Variants in GABRA4 observed in about 807,000 individuals in gnomAD.
GABRA4 encodes the protein gamma-aminobutyric acid receptor subunit alpha-4.
Under a neutral mutation model 49.7 loss-of-function variants are expected in GABRA4, and 12 were observed. The ratio of observed to expected loss-of-function variants is 0.24; its 90% CI spans 0.15 to 0.39. The LOEUF (loss-of-function observed/expected upper bound fraction) is 0.39. Among genes scored for constraint, GABRA4 ranks in the 10% least tolerant of loss-of-function variants. The pLI, the probability that GABRA4 is intolerant of heterozygous loss-of-function variation, is 1.00. For synonymous variants in GABRA4, 288 were observed against 240.2 expected (o/e 1.20, Z -1.84); for missense variants, 506 against 686.0 (o/e 0.74, Z 2.93).
chr4:46,969,860 G>C (rs1298569116), intron 7 of GABRA4, among the ~76,000 whole-genome samples: 1 of 151,268 alleles, frequency 6.6e-6, no homozygotes, highest in Non-Finnish European at 1.5e-5. Flanking sequence ...TCAACACTTT[G>C]AGTTGTGCAG....
chr4:46,990,233 A>G lies in GABRA4; in HGVS notation c.205+2595T>C, dbSNP rs543627428. Among the ~76,000 whole-genome samples, 75 of 152,356 alleles carry G rather than the reference A, an allele frequency of 4.9e-4. 1 individual carries two copies. Among genetic ancestry groups the G allele is most frequent in the African/African-American group, 1.7e-3 (71 of 41,590 alleles). On this transcript the variant is annotated intron_variant, in intron 2 of 8. Transcript: ENST00000264318. ...ATTCGACCCTTTCCCATAAAACTAT[A>G]AAAATGTTTTCAGGTGGGTAATGCA... is the stretch of plus-strand genomic sequence containing the variant.
chr4:46,935,544 G>A (rs977355004), intron 8 of GABRA4, among the ~76,000 whole-genome samples: 2 of 152,054 alleles, frequency 1.3e-5, no homozygotes, highest in Admixed American at 6.6e-5. Context: ...TGAAAATATG[G>A]CCATCATGTC....
At chr4:46,930,687 CAGTT>C (rs973996584) in intron 8 of GABRA4, among the ~76,000 whole-genome samples, 3 of 151,148 alleles carry the variant, frequency 2.0e-5, no homozygotes, top group Admixed American at 6.6e-5. Context: ...TTCTTTCAGT[CAGTT>C]AGGTTGTCCA....
intron 8 of GABRA4, among the ~76,000 whole-genome samples, chr4:46,930,264 C>T (rs1305390762): frequency 6.6e-6 from 1 of 151,998 alleles, no homozygotes; most frequent in African/African-American, 2.4e-5. Context: ...AAATTGACAT[C>T]AACCTGAAAG....
intron 8 of GABRA4, among the ~76,000 whole-genome samples, chr4:46,945,071 AG>A: frequency 6.6e-6 from 1 of 152,282 alleles, no homozygotes; most frequent in South Asian, 2.1e-4. Context: ...TTAGGAAGTA[AG>A]TAGTTGGCAG....
intron 2 of GABRA4, among the ~76,000 whole-genome samples, chr4:46,987,623 G>A (rs970857976): frequency 3.3e-5 from 5 of 151,262 alleles, no homozygotes; most frequent in African/African-American, 1.2e-4. Flanking sequence ...CAAGTCAATC[G>A]CCAATTCTTT....
At chr4:46,948,949 G>A (rs550838422) in intron 8 of GABRA4, among the ~76,000 whole-genome samples, 10 of 152,068 alleles carry the variant, frequency 6.6e-5, no homozygotes, top group African/African-American at 2.2e-4. Context: ...TCCTAAATGA[G>A]GACTATAGTC....
At chr4:46,985,364 CT>C (rs1287497400) in intron 2 of GABRA4, among the ~76,000 whole-genome samples, 1 of 151,862 alleles carries the variant, frequency 6.6e-6, no homozygotes, top group African/African-American at 2.4e-5. Flanking sequence ...AAGTCCTACA[CT>C]TTGTGCTGGT....
chr4:46,975,317 A>T (rs1008166672), intron 5 of GABRA4, among the ~76,000 whole-genome samples: 3 of 152,020 alleles, frequency 2.0e-5, no homozygotes, highest in African/African-American at 7.2e-5. Context: ...TTGTCATTTT[A>T]GCACCATTCA....
At chr4:46,970,395 A>G (rs1296280157) in intron 7 of GABRA4, among the ~76,000 whole-genome samples, 1 of 151,546 alleles carries the variant, frequency 6.6e-6, no homozygotes, top group Non-Finnish European at 1.5e-5. Flanking sequence ...CATTAACTAA[A>G]ATAAATATAA....
chr4:46,987,674 A>C (rs931074999), intron 2 of GABRA4, among the ~76,000 whole-genome samples: 1 of 152,102 alleles, frequency 6.6e-6, no homozygotes, highest in African/African-American at 2.4e-5. Context: ...ATCAACTTAC[A>C]TATATCCATC....
At chr4:46,931,522 C>T in intron 8 of GABRA4, among the ~76,000 whole-genome samples, 1 of 151,998 alleles carries the variant, frequency 6.6e-6, no homozygotes, top group Non-Finnish European at 1.5e-5. Flanking sequence ...AAAGTGACAC[C>T]AATTCATCAT....
chr4:46,977,318 AAGGGAGGG>A (rs532726655), intron 4 of GABRA4, 84 bp downstream of exon 4: 6 of 587,508 alleles, frequency 1.0e-5, no homozygotes, highest in South Asian at 2.4e-5. Context: ...GGGAGGGAGG[AAGGGAGGG>A]AGGAAGGAAG....
chr4:46,955,096 C>T (rs1722295476), intron 8 of GABRA4, among the ~76,000 whole-genome samples: 1 of 152,118 alleles, frequency 6.6e-6, no homozygotes, highest in African/African-American at 2.4e-5. Context: ...ATGCTAAATA[C>T]ATTTCACAGC....
chr4:46,993,224 A>G (rs1343357058), intron 1 of GABRA4, 115 bp downstream of exon 1: 2 of 919,080 alleles, frequency 2.2e-6, no homozygotes, highest in East Asian at 2.4e-5. Flanking sequence ...CTGCTCTTAC[A>G]GCTGAGATAA....
chr4:46,922,781 G>A lies in GABRA4; in HGVS notation c.*5444C>T, dbSNP rs1721081226. 1 of 152,100 alleles carries A rather than the reference G, an allele frequency of 6.6e-6. No homozygotes were observed. The highest frequency in any genetic ancestry group is 1.5e-5 in the Non-Finnish European group (1 of 68,010). 9.4% of individuals were successfully genotyped at this position (152,100 alleles called of 1,614,324 possible). A position where few individuals can be genotyped will look rare whatever the true frequency, so the allele number is the denominator to read the frequency against. ...ACAACTGAAAACTCACTAGGGTTAT[G>A]GTTGACAAAAGTTAAAGAAAATTTT... On this transcript the variant is annotated 3_prime_UTR_variant, in exon 9 of 9. Coordinates refer to ENST00000264318, the MANE Select transcript of GABRA4 (RefSeq NM_000809.4).
chr4:46,992,612 G>T, intron 2 of GABRA4: 1 of 571,234 alleles, frequency 1.8e-6, no homozygotes, highest in Non-Finnish European at 3.1e-6. Flanking sequence ...ATTAGTGTGG[G>T]GGAGAGGCAA....
intron 8 of GABRA4, among the ~76,000 whole-genome samples, chr4:46,957,525 A>T (rs1722408796): frequency 6.6e-6 from 1 of 151,966 alleles, no homozygotes; most frequent in Non-Finnish European, 1.5e-5. Context: ...AGAATTTTGC[A>T]CTTGAACTTT....
At chr4:46,936,900 T>C (rs2109343273) in intron 8 of GABRA4, among the ~76,000 whole-genome samples, 1 of 152,338 alleles carries the variant, frequency 6.6e-6, no homozygotes, top group South Asian at 2.1e-4. Flanking sequence ...AATGGGGCAG[T>C]GTAGCCCACC....
Sources: gnomAD v4.1 joint callset for allele counts (sites outside exome capture counted in the v4.1 genomes callset) on GRCh38, gnomAD v4.1.1 for gene constraint, MANE v1.5 for transcripts, NCBI Gene and HGNC (gene_info 2026-07-23, HGNC 2026-07-21) for gene names.